The following UVRAG variants were observed in gnomAD, a reference collection of about 807,000 sequenced individuals.
UVRAG encodes the protein UV radiation resistance associated.
Under a neutral mutation model 78.0 loss-of-function variants are expected in UVRAG, and 19 were observed. That is an observed-to-expected ratio of 0.24 (90% CI 0.17 to 0.36). UVRAG has a LOEUF of 0.36. Among genes scored for constraint, UVRAG ranks in the 10% least tolerant of loss-of-function variants. UVRAG has a pLI of 1.00. For missense variants in UVRAG, 740 were observed against 853.8 expected (o/e 0.87, Z 1.66); for synonymous variants, 323 against 324.6 (o/e 1.00, Z 0.05).
intron 4 of UVRAG, among the ~76,000 whole-genome samples, chr11:75,885,979 G>GT (rs1947068616): frequency 6.6e-6 from 1 of 152,010 alleles, no homozygotes; most frequent in Admixed American, 6.6e-5. Flanking sequence ...GGCAGGAAAT[G>GT]TTTTCTGGTT....
intron 12 of UVRAG, among the ~76,000 whole-genome samples, chr11:76,018,630 A>G (rs538866973): frequency 9.2e-5 from 14 of 152,264 alleles, no homozygotes; most frequent in African/African-American, 3.4e-4. Context: ...GATGGTCTCA[A>G]TCTCTTGACC....
chr11:76,137,421 A>G, intron 14 of UVRAG: 1 of 456,306 alleles, frequency 2.2e-6, no homozygotes, highest in Admixed American at 2.3e-5. Context: ...GCAACGAGAA[A>G]ATGCCTTTTC....
chr11:75,855,707 T>G (rs1946274858), intron 2 of UVRAG, among the ~76,000 whole-genome samples: 1 of 152,236 alleles, frequency 6.6e-6, no homozygotes, highest in Admixed American at 6.5e-5. Context: ...CATTTCTTAG[T>G]GTCAGAAGAC....
intron 11 of UVRAG, among the ~76,000 whole-genome samples, chr11:76,013,929 C>T (rs1258595488): frequency 1.3e-5 from 2 of 152,170 alleles, no homozygotes; most frequent in Admixed American, 6.5e-5. Context: ...GCACTATGGC[C>T]TGGAATGGGA....
chr11:75,872,876 A>C (rs1303938143), intron 3 of UVRAG, among the ~76,000 whole-genome samples: 2 of 152,240 alleles, frequency 1.3e-5, no homozygotes, highest in Admixed American at 1.3e-4. Context: ...ATATATAGTC[A>C]AATTAGTAGT....
chr11:75,877,751 C>A (rs1476974520), intron 3 of UVRAG, among the ~76,000 whole-genome samples: 3 of 141,656 alleles, frequency 2.1e-5, no homozygotes, highest in African/African-American at 8.0e-5. Flanking sequence ...CCCCCCACTT[C>A]CCTCCCGGAC....
At chr11:76,080,386 A>G (rs1951474064) in intron 13 of UVRAG, among the ~76,000 whole-genome samples, 1 of 152,180 alleles carries the variant, frequency 6.6e-6, no homozygotes, top group African/African-American at 2.4e-5. Flanking sequence ...AGGAGGGAAA[A>G]GACTGCCTGG....
At chr11:75,848,603 C>T (rs953181723) in intron 1 of UVRAG, among the ~76,000 whole-genome samples, 2 of 152,168 alleles carry the variant, frequency 1.3e-5, no homozygotes, top group African/African-American at 4.8e-5. Context: ...CGATCTCCGT[C>T]CAAGCCCTGC....
chr11:75,998,300 G>T (rs1949744769), intron 8 of UVRAG, among the ~76,000 whole-genome samples: 1 of 151,942 alleles, frequency 6.6e-6, no homozygotes, highest in Non-Finnish European at 1.5e-5. Flanking sequence ...CTTATTCATG[G>T]GTTTGAAAGG....
intron 12 of UVRAG, among the ~76,000 whole-genome samples, chr11:76,029,745 C>G (rs1455329041): frequency 6.6e-6 from 1 of 152,166 alleles, no homozygotes; most frequent in Non-Finnish European, 1.5e-5. Flanking sequence ...AAGGAAGTGG[C>G]AGGGTTTGAG....
At chr11:75,985,154 C>CTTTTTTTTTTTTTTTTTTTT (rs796594987) in intron 8 of UVRAG, among the ~76,000 whole-genome samples, 1 of 128,610 alleles carries the variant, frequency 7.8e-6, no homozygotes, top group Non-Finnish European at 1.7e-5. Flanking sequence ...AATTTCTTTT[C>CTTTTTTTTTTTTTTTTTTTT]TTTTTTTTTT....
chr11:75,934,288 TA>T (rs1948314346), intron 6 of UVRAG, among the ~76,000 whole-genome samples: 1 of 152,074 alleles, frequency 6.6e-6, no homozygotes, highest in Non-Finnish European at 1.5e-5. Flanking sequence ...AGCTAAAAAT[TA>T]AAACAATTGA....
intron 12 of UVRAG, among the ~76,000 whole-genome samples, chr11:76,036,515 T>G (rs1318222977): frequency 6.6e-6 from 1 of 152,010 alleles, no homozygotes; most frequent in Non-Finnish European, 1.5e-5. Context: ...GACTTCAACT[T>G]GTGCAATAGA....
chr11:75,920,288 G>A (rs1029600891), intron 6 of UVRAG, among the ~76,000 whole-genome samples: 1 of 151,130 alleles, frequency 6.6e-6, no homozygotes, highest in Non-Finnish European at 1.5e-5. Flanking sequence ...GCCTCCCAAA[G>A]TGCTGGGATT....
chr11:75,997,024 T>A (rs574683719), intron 8 of UVRAG, among the ~76,000 whole-genome samples: 1 of 152,196 alleles, frequency 6.6e-6, no homozygotes, highest in East Asian at 1.9e-4. Context: ...AGAGAATAAT[T>A]TAGTTTCATA....
chr11:75,943,635 G>A (rs1948529075), intron 6 of UVRAG, among the ~76,000 whole-genome samples: 1 of 152,064 alleles, frequency 6.6e-6, no homozygotes, highest in African/African-American at 2.4e-5. Flanking sequence ...CGCTTCATCA[G>A]TGTTGTTAGT....
rs191775963 is a variant in UVRAG at position 76,042,163 on chromosome 11, G to A, written c.1227-23547G>A. On this transcript the variant is annotated intron_variant, in intron 12 of 14. Transcript: ENST00000356136. ...TTAGAAACAACCTAAATCCCCTTTA[G>A]TAAGGGAGTGGAGAAATAAAATATT... Among the ~76,000 whole-genome samples the A allele has an allele frequency of 2.0e-5, 3 of 152,268 alleles. No homozygotes were observed. In the East Asian group the frequency reaches 5.8e-4, roughly 29 times the overall value.
intron 7 of UVRAG, among the ~76,000 whole-genome samples, chr11:75,976,822 C>T (rs1342745605): frequency 6.6e-6 from 1 of 152,106 alleles, no homozygotes; most frequent in Non-Finnish European, 1.5e-5. Context: ...AAACCAGCTC[C>T]TGGATTCATT....
At chr11:76,069,652 A>G (rs546381726) in intron 13 of UVRAG, among the ~76,000 whole-genome samples, 2 of 152,368 alleles carry the variant, frequency 1.3e-5, no homozygotes, top group African/African-American at 4.8e-5. Flanking sequence ...TTTGTAAAGT[A>G]CATGCATATA....
Sources: gnomAD v4.1 joint callset for allele counts (sites outside exome capture counted in the v4.1 genomes callset) on GRCh38, gnomAD v4.1.1 for gene constraint, MANE v1.5 for transcripts, NCBI Gene and HGNC (gene_info 2026-07-23, HGNC 2026-07-21) for gene names.